RNF166: variants seen among roughly 807,000 people sequenced by gnomAD.
RNF166 encodes E3 ubiquitin-protein ligase RNF166.
A neutral mutation model predicts 29.4 loss-of-function variants in RNF166; 19 were observed. That is an observed-to-expected ratio of 0.65 (90% CI 0.45 to 0.95). The LOEUF is 0.95. Among genes scored for constraint, RNF166 ranks in the 40% least tolerant of loss-of-function variants. The pLI is 0.00. For missense variants in RNF166, 347 were observed against 322.1 expected (o/e 1.08, Z -0.59); for synonymous variants, 171 against 134.5 (o/e 1.27, Z -1.88).
rs964000003 is a variant in RNF166, at chr16:88,699,102, A to G, written c.426-17T>C. On this transcript the variant is annotated splice_polypyrimidine_tract_variant and intron_variant, in intron 3 of 5. Transcript: ENST00000312838. ...GGGATGTTGCTGGCGGGGCGGGGGT[A>G]GAGTGAGTGGCACGGCTAGGTGTCT... is the stretch of plus-strand genomic sequence containing the variant. 4 of 1,543,206 alleles carry G rather than the reference A, an allele frequency of 2.6e-6. No individual in the cohort carries two copies. Among genetic ancestry groups the G allele is most frequent in the Non-Finnish European group, 3.6e-6 (4 of 1,125,520 alleles).
At chr16:88,698,261 C>G (rs370927050) in intron 5 of RNF166, 8 of 688,798 alleles carry the variant, frequency 1.2e-5, no homozygotes, top group Admixed American at 8.2e-5. Context: ...GGGACCTGCC[C>G]TGTGCGGTCC....
chr16:88,698,392 G>T, intron 5 of RNF166, 110 bp downstream of exon 5: 1 of 882,692 alleles, frequency 1.1e-6, no homozygotes, highest in Non-Finnish European at 1.9e-6. Context: ...CGAGGCTTCT[G>T]TTTCTGGCTT....
rs1910790891 is a variant in RNF166 at position 88,706,252 on chromosome 16, C to T, written c.74G>A (p.Ser25Asn). The T allele has an allele frequency of 1.5e-6, 2 of 1,305,022 alleles. No homozygotes were observed. The highest frequency in any genetic ancestry group is 1.6e-5 in the African/African-American group (1 of 63,794). 80.8% of individuals were successfully genotyped at this position (1,305,022 alleles called of 1,614,324 possible). ...GCAGGTGTACTGCGCCTCCAGGCCG[C>T]TGTCGCCGCCCGCCGGCCCGGCCGG... ...QPPAGPAGGD[S>N]GLEAQYTCPI... Residue 25 changes from serine (S) to asparagine (N), a missense_variant, in exon 1 of 6, where the codon AGC (serine) becomes AAC (asparagine). Transcript: ENST00000312838.
chr16:88,703,933 C>T (rs1480593760), intron 1 of RNF166: 1 of 985,360 alleles, frequency 1.0e-6, no homozygotes, highest in Non-Finnish European at 1.2e-6. Context: ...ACAGCCCTTC[C>T]AGGCAGGTTC....
chr16:88,706,139 C>G, intron 1 of RNF166, 32 bp downstream of exon 1: 1 of 1,147,386 alleles, frequency 8.7e-7, no homozygotes, highest in Non-Finnish European at 1.1e-6. Flanking sequence ...GGCACGGCCC[C>G]CTCCCCGCGG....
intron 1 of RNF166, chr16:88,704,373 G>T: frequency 1.0e-6 from 1 of 985,428 alleles, no homozygotes; most frequent in Non-Finnish European, 1.2e-6. Context: ...CCCGCGGTGA[G>T]ACTAGGATGG....
chr16:88,697,657 A>C (rs1036675339), intron 5 of RNF166, 24 bp from the exon 6 acceptor site: 6 of 1,533,232 alleles, frequency 3.9e-6, no homozygotes, highest in South Asian at 2.4e-5. Context: ...GGAGAGATGC[A>C]CCGGGCTCGA....
chr16:88,700,979 AC>A, intron 2 of RNF166: 1 of 1,316,760 alleles, frequency 7.6e-7, no homozygotes. Flanking sequence ...CCTGGTCCTT[AC>A]CCTGGCCACA....
At chr16:88,701,880 C>T (rs1910275878) in intron 1 of RNF166, among the ~76,000 whole-genome samples, 1 of 152,232 alleles carries the variant, frequency 6.6e-6, no homozygotes, top group Admixed American at 6.5e-5. Flanking sequence ...CGGCCAGGCC[C>T]CAGGGGCTCC....
chr16:88,699,963 C>T, intron 2 of RNF166: 1 of 400,726 alleles, frequency 2.5e-6, no homozygotes, highest in Non-Finnish European at 4.5e-6. Flanking sequence ...AGGGCAGAAA[C>T]CTGGCTGGAG....
At chr16:88,700,820 C>T (rs972541885) in intron 2 of RNF166, 9 of 1,051,156 alleles carry the variant, frequency 8.6e-6, no homozygotes, top group East Asian at 9.8e-5. Flanking sequence ...CCCATCAGCC[C>T]GGCTCTGGCC....
At chr16:88,697,807 G>A in intron 5 of RNF166, 174 bp from the exon 6 acceptor site, 2 of 586,212 alleles carry the variant, frequency 3.4e-6, no homozygotes, top group Non-Finnish European at 6.2e-6. Flanking sequence ...CCTCTGGGGG[G>A]TGAGAAGGTG....
intron 1 of RNF166, chr16:88,704,187 A>T: frequency 5.1e-6 from 5 of 985,482 alleles, no homozygotes; most frequent in Non-Finnish European, 6.0e-6. Context: ...AAACTTCCGA[A>T]GGGAACCTGA....
rs948535482 is a variant in RNF166, at chr16:88,703,627, T to G, written c.156-2209A>C. 4.1e-6 allele frequency: 4 copies of G among 985,390 alleles called. No homozygotes were observed. In the African/African-American group the frequency reaches 7.0e-5, roughly 17 times the overall value. The allele number at this position is 985,390 out of a possible 1,614,324, so 61.0% of individuals were successfully genotyped here. On this transcript the variant is annotated intron_variant, in intron 1 of 5. Coordinates refer to ENST00000312838, the MANE Select transcript of RNF166 (RefSeq NM_178841.4). ...GCCAGCAGCCGGGAGTAGTGCCCGC[T>G]TCCCCCACAGGAAGTTCCTGTCTGC...
At chr16:88,698,680 C>T (rs1909887190) in intron 4 of RNF166, 71 bp from the exon 5 acceptor site, 3 of 1,191,150 alleles carry the variant, frequency 2.5e-6, no homozygotes, top group African/African-American at 1.5e-5. Context: ...GGACTGGGGG[C>T]CCTCCACTGA....
intron 1 of RNF166, chr16:88,703,500 C>T (rs934412435): frequency 2.0e-6 from 2 of 985,438 alleles, no homozygotes; most frequent in African/African-American, 1.7e-5. Flanking sequence ...GCCCGACTGG[C>T]AGGGCGGCTG....
chr16:88,704,324 C>A (rs1406955981), intron 1 of RNF166: 5 of 985,318 alleles, frequency 5.1e-6, no homozygotes, highest in African/African-American at 1.7e-5. Context: ...GGAGAAAAAT[C>A]TTTGAAAGGC....
At position 88,706,171 on chromosome 16, in the gene RNF166, G is replaced by T. The variant is rs908961351; in HGVS notation, c.155C>A (p.Thr52Lys). 1 of 1,248,846 alleles carries T rather than the reference G, an allele frequency of 8.0e-7. No homozygotes were observed. The highest frequency in any genetic ancestry group is 1.0e-6 in the Non-Finnish European group (1 of 992,276). The allele number at this position is 1,248,846 out of a possible 1,614,324, so 77.4% of individuals were successfully genotyped here. The part of the protein sequence containing the change: ...RPVAIGSCGH[T>K]FCGECLQPCL... ...GCGGCCCCTGGGCGGGCGCGCTCAC[G>T]TGTGGCCGCAGCTGCCGATGGCCAC... The change falls in exon 1 of 6, where the codon ACG (threonine) becomes AAG (lysine). Residue 52 changes from threonine (T) to lysine (K), a missense_variant and splice_region_variant. Coordinates refer to ENST00000312838, the MANE Select transcript of RNF166 (RefSeq NM_178841.4).
intron 2 of RNF166, 116 bp downstream of exon 2, chr16:88,701,146 C>A (rs751167693): frequency 2.2e-6 from 3 of 1,371,748 alleles, no homozygotes; most frequent in Non-Finnish European, 3.0e-6. Flanking sequence ...GAGCAGAGAC[C>A]GCGATTACTC....
Sources: gnomAD v4.1 joint callset for allele counts (sites outside exome capture counted in the v4.1 genomes callset) on GRCh38, gnomAD v4.1.1 for gene constraint, MANE v1.5 for transcripts, NCBI Gene and HGNC (gene_info 2026-07-23, HGNC 2026-07-21) for gene names.